DDX43: variants seen among roughly 807,000 people sequenced by gnomAD.
The protein encoded by DDX43 is probable ATP-dependent RNA helicase DDX43.
Under a neutral mutation model 84.9 loss-of-function variants are expected in DDX43, and 50 were observed. The observed-to-expected ratio is 0.59, with a 90% confidence interval of 0.47 to 0.75. The LOEUF is 0.75. DDX43 is among the 30% of genes least tolerant of loss of function. The probability of loss-of-function intolerance (pLI) is 0.00; values close to 1 mark genes in which losing one functional copy is unlikely to be tolerated. For synonymous variants in DDX43, 291 were observed against 266.3 expected, an observed-to-expected ratio of 1.09 and a Z score of -0.90; for missense variants, 689 against 798.6, an observed-to-expected ratio of 0.86 and a Z score of 1.65.
chr6:73,409,469 G>C (rs771318443), intron 10 of DDX43, 121 bp downstream of exon 10: 17 of 789,494 alleles, frequency 2.2e-5, no homozygotes, highest in Non-Finnish European at 3.4e-5. Flanking sequence ...TTAGGTGAAA[G>C]ATCTCATAAC....
At position 73,407,633 on chromosome 6, in the gene DDX43, C is replaced by G; in HGVS notation, c.1037+18C>G. On this transcript the variant is annotated intron_variant, in intron 8 of 16. Coordinates refer to ENST00000370336, the MANE Select transcript of DDX43 (RefSeq NM_018665.3). ...CTTCGGAGGTAAGTAATTTTTTTTC[C>G]CATTCCTTCACCAGTATCATATTTT... is the stretch of plus-strand genomic sequence containing the variant. 6.8e-7 allele frequency: 1 copy of G among 1,474,060 alleles called. No homozygotes were observed. The highest frequency in any genetic ancestry group is 2.3e-5 in the East Asian group (1 of 44,232). 91.3% of individuals were successfully genotyped at this position (1,474,060 alleles called of 1,614,324 possible).
rs751816531 is a variant in DDX43, at chr6:73,395,139, T to C, written c.234T>C (p.Phe78=). The part of the protein sequence containing the change: ...LPLCFALKSH[F]VGAVIGRGGS... ...TGTGTTTTGCTTTGAAGAGCCACTT[T>C]GTTGGCGCGGTAATCGGTGAGAATG... Residue 78 remains phenylalanine (F), a synonymous_variant, in exon 1 of 17, where the codon TTT becomes TTC. Coordinates refer to ENST00000370336, the MANE Select transcript of DDX43 (RefSeq NM_018665.3). The C allele has an allele frequency of 1.7e-5, 28 of 1,613,106 alleles. No homozygotes were observed. Among genetic ancestry groups the C allele is most frequent in the Admixed American group, 5.0e-5 (3 of 59,770 alleles).
chr6:73,412,111 T>C (rs1040290991), intron 10 of DDX43, 94 bp from the exon 11 acceptor site: 1 of 1,023,832 alleles, frequency 9.8e-7, no homozygotes. Flanking sequence ...GTACTAAATT[T>C]GTCTTTCATG....
At chr6:73,395,804 A>G (rs1333348888) in intron 1 of DDX43, among the ~76,000 whole-genome samples, 1 of 152,070 alleles carries the variant, frequency 6.6e-6, no homozygotes, top group Non-Finnish European at 1.5e-5. Flanking sequence ...TATGAGTACC[A>G]TTTAGAGCCA....
At chr6:73,407,373 C>T (rs1769704317) in intron 7 of DDX43, 132 bp from the exon 8 acceptor site, 3 of 620,968 alleles carry the variant, frequency 4.8e-6, no homozygotes, top group Non-Finnish European at 8.7e-6. Flanking sequence ...ACTGCCTTGG[C>T]CTCCCAAAGT....
At chr6:73,406,585 T>C (rs1156455211) in intron 7 of DDX43, 103 bp downstream of exon 7, 2 of 695,826 alleles carry the variant, frequency 2.9e-6, no homozygotes, top group South Asian at 1.9e-5. Flanking sequence ...CCAAAGGTAA[T>C]GCCTAGCTTC....
At position 73,408,112 on chromosome 6, in the gene DDX43, A is replaced by T. The variant is rs1769717101; in HGVS notation, c.1179+11A>T. 4 of 1,612,868 alleles carry T rather than the reference A, an allele frequency of 2.5e-6. No individual in the cohort carries two copies. The highest frequency in any genetic ancestry group is 3.4e-6 in the Non-Finnish European group (4 of 1,179,598). On this transcript the variant is annotated intron_variant, in intron 9 of 16. Transcript: ENST00000370336. ...AATATAACCTACTTGGTAATCATGG[A>T]AATAGGGGTTTGAGATGCTGGGTTC...
intron 1 of DDX43, among the ~76,000 whole-genome samples, chr6:73,396,636 C>T (rs1477357446): frequency 2.0e-5 from 3 of 152,068 alleles, no homozygotes; most frequent in Non-Finnish European, 2.9e-5. Context: ...CTCTTTTAAA[C>T]GTATATCACA....
intron 4 of DDX43, among the ~76,000 whole-genome samples, chr6:73,403,847 C>T (rs985683699): frequency 1.4e-4 from 21 of 149,238 alleles, no homozygotes; most frequent in Middle Eastern, 3.4e-3. Context: ...AATGGAGTTT[C>T]GCTCTTGTTG....
chr6:73,398,938 A>G (rs115194548), intron 2 of DDX43, among the ~76,000 whole-genome samples: 1,635 of 152,058 alleles, frequency 0.011, 35 homozygotes, highest in African/African-American at 0.038. Flanking sequence ...GGTCAGAACA[A>G]TAATTTTATT....
chr6:73,411,287 A>T (rs555185639), intron 10 of DDX43, among the ~76,000 whole-genome samples: 1 of 151,376 alleles, frequency 6.6e-6, no homozygotes, highest in East Asian at 1.9e-4. Context: ...AGGAGATAAA[A>T]TTAACCTAAT....
intron 5 of DDX43, among the ~76,000 whole-genome samples, chr6:73,404,989 C>A (rs531820831): frequency 6.6e-6 from 1 of 152,050 alleles, no homozygotes; most frequent in Admixed American, 6.6e-5. Context: ...GTAACTGGCA[C>A]TTAAAGTATG....
At chr6:73,395,343 G>A (rs908793167) in intron 1 of DDX43, among the ~76,000 whole-genome samples, 188 bp downstream of exon 1, 3 of 152,168 alleles carry the variant, frequency 2.0e-5, no homozygotes, top group African/African-American at 7.2e-5. Flanking sequence ...GTTGGCTCAC[G>A]CCTGTAATCC....
chr6:73,414,646 G>A lies in DDX43; in HGVS notation c.1705G>A (p.Glu569Lys), dbSNP rs905189130. 1 of 1,613,902 alleles carries A rather than the reference G, an allele frequency of 6.2e-7. No homozygotes were observed. Among genetic ancestry groups the A allele is most frequent in the African/African-American group, 1.3e-5 (1 of 74,904 alleles). Residue 569 changes from glutamate (E) to lysine (K), a missense_variant, in exon 14 of 17, where the codon GAA becomes AAA. By Grantham distance (56) the Glu-to-Lys change is moderately conservative. This residue lies in a region of DDX43 where 552 missense variants were observed against 692.7 expected (regional missense o/e 0.80). Coordinates refer to ENST00000370336, the MANE Select transcript of DDX43 (RefSeq NM_018665.3). ...TAATTTTGACTTTCCACGGAATATT[G>A]AAGAATACGTACACCGAATAGGGCG... is the stretch of plus-strand genomic sequence containing the variant. ...VYNFDFPRNI[E>K]EYVHRIGRTG...
intron 3 of DDX43, among the ~76,000 whole-genome samples, chr6:73,401,460 A>G (rs548996835): frequency 1.3e-5 from 2 of 152,334 alleles, no homozygotes; most frequent in Admixed American, 6.5e-5. Flanking sequence ...ATGTTAATGT[A>G]GTACAGAAAC....
intron 2 of DDX43, 64 bp downstream of exon 2, chr6:73,397,808 T>C: frequency 6.9e-7 from 1 of 1,439,036 alleles, no homozygotes; most frequent in Admixed American, 1.7e-5. Flanking sequence ...AGCACCTAAC[T>C]CTACTTTTCT....
At chr6:73,405,641 A>G (rs766749034) in intron 5 of DDX43, 38 bp from the exon 6 acceptor site, 1 of 1,604,040 alleles carries the variant, frequency 6.2e-7, no homozygotes, top group African/African-American at 1.3e-5. Context: ...TTGGGGAGTA[A>G]AGTGAGGAAA....
intron 6 of DDX43, 51 bp from the exon 7 acceptor site, chr6:73,406,313 C>T (rs1017694765): frequency 1.5e-5 from 21 of 1,378,148 alleles, no homozygotes; most frequent in Admixed American, 3.5e-5. Context: ...TGAGCCACTG[C>T]GCCCAGCAAA....
chr6:73,404,855 A>G, intron 5 of DDX43, 84 bp downstream of exon 5: 1 of 1,051,344 alleles, frequency 9.5e-7, no homozygotes, highest in East Asian at 2.5e-5. Flanking sequence ...GTGAAATGAT[A>G]TTTGAAGGCT....
Sources: gnomAD v4.1 joint callset for allele counts (sites outside exome capture counted in the v4.1 genomes callset) on GRCh38, gnomAD v4.1.1 for gene constraint, gnomAD v4.1.1 regional missense constraint, MANE v1.5 for transcripts, NCBI Gene and HGNC (gene_info 2026-07-23, HGNC 2026-07-21) for gene names.